The following INTS8 variants were observed in gnomAD, a reference collection of about 807,000 sequenced individuals.
INTS8 encodes integrator complex subunit 8.
INTS8 carries 47 observed loss-of-function variants against 138.9 expected under a neutral mutation model. The ratio of observed to expected loss-of-function variants is 0.34; its 90% confidence interval spans 0.27 to 0.43. The LOEUF (loss-of-function observed/expected upper bound fraction) is 0.43, where lower values mean the gene tolerates loss of function less well. Among genes scored for constraint, INTS8 ranks in the 20% least tolerant of loss-of-function variants. The pLI is 1.00. For missense variants in INTS8, 996 were observed against 1,173.0 expected, an observed-to-expected ratio of 0.85 and a Z score of 2.20; for synonymous variants, 392 against 400.9, an observed-to-expected ratio of 0.98 and a Z score of 0.27.
intron 21 of INTS8, among the ~76,000 whole-genome samples, chr8:94,873,162 G>A (rs902633555): frequency 6.6e-6 from 1 of 152,140 alleles, no homozygotes; most frequent in Non-Finnish European, 1.5e-5. Context: ...ATTATAATTT[G>A]TTTCTCGTTT....
At chr8:94,861,972 C>T (rs191815705) in intron 16 of INTS8, among the ~76,000 whole-genome samples, 3 of 151,772 alleles carry the variant, frequency 2.0e-5, no homozygotes, top group Admixed American at 6.6e-5. Flanking sequence ...ACTGAGTCCC[C>T]CTCTGTCGCC....
intron 22 of INTS8, among the ~76,000 whole-genome samples, chr8:94,874,324 T>A (rs1377755092): frequency 2.0e-5 from 3 of 152,162 alleles, no homozygotes; most frequent in African/African-American, 7.2e-5. Context: ...ATTTTAAAAA[T>A]ACTTATAATG....
At chr8:94,828,284 A>G (rs935910303) in intron 4 of INTS8, among the ~76,000 whole-genome samples, 1 of 151,836 alleles carries the variant, frequency 6.6e-6, no homozygotes, top group Non-Finnish European at 1.5e-5. Context: ...CAGGTGATCC[A>G]CCCGCCTTGG....
intron 20 of INTS8, 174 bp downstream of exon 20, chr8:94,867,511 A>G (rs1816223347): frequency 1.1e-5 from 6 of 533,070 alleles, no homozygotes; most frequent in Non-Finnish European, 1.3e-5. Flanking sequence ...ATTGTGGATA[A>G]GGCATAACCC....
rs1816812895 is a variant in INTS8 at position 94,881,548 on chromosome 8, ACTT to A, written c.*1315_*1317del. ...GGCTAGGGCAATCAATCACAGCACT[ACTT>A]TCTGTAAAACTTTAGTAGTTCAGTG... On this transcript the variant is annotated 3_prime_UTR_variant, in exon 27 of 27. Transcript: ENST00000523731. 1.4e-6 allele frequency: 2 copies of A among 1,398,856 alleles called. No individual in the cohort carries two copies. Among genetic ancestry groups the A allele is most frequent in the East Asian group, 4.6e-5 (2 of 43,242 alleles). The allele number at this position is 1,398,856 out of a possible 1,614,324, so 86.7% of individuals were successfully genotyped here. A position where few individuals can be genotyped will look rare whatever the true frequency, so the allele number is the denominator to read the frequency against.
At chr8:94,831,428 A>G (rs1263939782) in intron 5 of INTS8, among the ~76,000 whole-genome samples, 3 of 149,882 alleles carry the variant, frequency 2.0e-5, no homozygotes, top group Non-Finnish European at 3.0e-5. Context: ...TAAAGTATCA[A>G]CTTTTCTACA....
intron 15 of INTS8, among the ~76,000 whole-genome samples, 200 bp from the exon 16 acceptor site, chr8:94,859,311 A>T (rs1222531019): frequency 6.6e-6 from 1 of 150,930 alleles, no homozygotes; most frequent in Non-Finnish European, 1.5e-5. Flanking sequence ...ACAAGGTCTC[A>T]CTCTGTTGCC....
intron 18 of INTS8, 86 bp downstream of exon 18, chr8:94,866,277 CTAAAT>C (rs771247282): frequency 1.3e-6 from 1 of 752,288 alleles, no homozygotes; most frequent in East Asian, 2.6e-5. Context: ...CAAATACTGA[CTAAAT>C]TATTATTTGT....
rs781472356 is a variant in INTS8 at position 94,850,039 on chromosome 8, C to T, written c.1455C>T (p.Ser485=). Residue 485 remains serine, a synonymous_variant, in exon 12 of 27, where the codon TCC becomes TCT. Transcript: ENST00000523731. ...TTGTTGATCAGATGAGGAAGAGATC[C>T]CCTAGAGTAAATCTGTGCATTAAAC... is the stretch of plus-strand genomic sequence containing the variant. ...KLLVDQMRKR[S]PRVNLCIKPV... 1.2e-6 allele frequency: 2 copies of T among 1,612,788 alleles called. No individual in the cohort carries two copies. Among genetic ancestry groups the T allele is most frequent in the Admixed American group, 3.3e-5 (2 of 59,898 alleles).
At chr8:94,861,025 C>T (rs1586511223) in intron 16 of INTS8, among the ~76,000 whole-genome samples, 1 of 147,984 alleles carries the variant, frequency 6.8e-6, no homozygotes, top group East Asian at 2.0e-4. Flanking sequence ...CCACTGCACT[C>T]CAGCCTGGGC....
chr8:94,830,217 T>C (rs1300879612), intron 5 of INTS8, among the ~76,000 whole-genome samples: 1 of 152,176 alleles, frequency 6.6e-6, no homozygotes, highest in Non-Finnish European at 1.5e-5. Flanking sequence ...TTTTAATTGA[T>C]CTACATAATG....
chr8:94,833,416 CTA>C (rs978326210), intron 6 of INTS8, among the ~76,000 whole-genome samples: 9 of 151,734 alleles, frequency 5.9e-5, no homozygotes, highest in Admixed American at 5.9e-4. Flanking sequence ...CAGGGTCTCC[CTA>C]TGTTGCCCAG....
chr8:94,824,038 T>C (rs1052817731), intron 1 of INTS8, among the ~76,000 whole-genome samples: 3 of 152,226 alleles, frequency 2.0e-5, no homozygotes, highest in East Asian at 1.9e-4. Flanking sequence ...TTGACTCTTA[T>C]TCCAAAGTTG....
At chr8:94,825,427 G>GA (rs59690454) in intron 2 of INTS8, among the ~76,000 whole-genome samples, 126 of 143,428 alleles carry the variant, frequency 8.8e-4, no homozygotes, top group Non-Finnish European at 9.9e-4. Context: ...GTAAGACTCG[G>GA]AAAAAAAAAA....
At chr8:94,849,234 G>A (rs1397490264) in intron 10 of INTS8, among the ~76,000 whole-genome samples, 1 of 152,022 alleles carries the variant, frequency 6.6e-6, no homozygotes, top group African/African-American at 2.4e-5. Context: ...GTTATTCTTT[G>A]CTACATGTAT....
chr8:94,827,113 G>GAA, intron 2 of INTS8, 150 bp from the exon 3 acceptor site: 4 of 658,080 alleles, frequency 6.1e-6, no homozygotes, highest in East Asian at 2.9e-5. Flanking sequence ...TCAAAAAAAA[G>GAA]AAAAAAAAAC....
At chr8:94,852,822 ACTCCTGAC>A (rs1212737489) in intron 13 of INTS8, among the ~76,000 whole-genome samples, 1 of 151,738 alleles carries the variant, frequency 6.6e-6, no homozygotes, top group Non-Finnish European at 1.5e-5. Context: ...CTGGTCTCGA[ACTCCTGAC>A]CTCCTGACCT....
intron 14 of INTS8, among the ~76,000 whole-genome samples, chr8:94,854,207 GAAAA>G (rs770693182): frequency 1.8e-5 from 2 of 110,870 alleles, no homozygotes; most frequent in Admixed American, 9.8e-5. Flanking sequence ...GTCCATCTCG[GAAAA>G]AAAAAAAAAA....
intron 20 of INTS8, among the ~76,000 whole-genome samples, chr8:94,868,367 C>T (rs1190240074): frequency 6.6e-6 from 1 of 152,172 alleles, no homozygotes. Flanking sequence ...GATTTCGGTA[C>T]ATAGACAAGC....
Sources: gnomAD v4.1 joint callset for allele counts (sites outside exome capture counted in the v4.1 genomes callset) on GRCh38, gnomAD v4.1.1 for gene constraint, MANE v1.5 for transcripts, NCBI Gene and HGNC (gene_info 2026-07-23, HGNC 2026-07-21) for gene names.